The following COL4A3 variants were observed in gnomAD, a reference collection of about 807,000 sequenced individuals.
COL4A3 encodes the protein collagen alpha-3(IV) chain.
In COL4A3, 135 loss-of-function variants were observed where a neutral mutation model predicts 217.4. The ratio of observed to expected loss-of-function variants is 0.62; its 90% CI spans 0.54 to 0.72. The LOEUF (loss-of-function observed/expected upper bound fraction) is 0.72, where lower values mean the gene tolerates loss of function less well. Ranked by LOEUF, COL4A3 falls within the 30% of genes least tolerant of loss-of-function variation. The pLI is 0.00. For synonymous variants in COL4A3, 690 were observed against 736.3 expected, an observed-to-expected ratio of 0.94 and a Z score of 1.02; for missense variants, 1,868 against 2,119.9, an observed-to-expected ratio of 0.88 and a Z score of 2.33.
At chr2:227,190,874 T>C (rs1430102956) in intron 1 of COL4A3, among the ~76,000 whole-genome samples, 2 of 152,202 alleles carry the variant, frequency 1.3e-5, no homozygotes. Context: ...GCCACTGCAC[T>C]CCAGACTGGG....
intron 1 of COL4A3, among the ~76,000 whole-genome samples, chr2:227,208,829 C>T (rs879379880): frequency 6.7e-6 from 1 of 150,020 alleles, no homozygotes; most frequent in Non-Finnish European, 1.5e-5. Context: ...GAGGTAAGTA[C>T]AAAGTTCTAG....
In COL4A3 at chr2:227,248,641, T is replaced by A. The variant is rs1039482006; in HGVS notation, c.546+121T>A. 4.4e-6 allele frequency: 3 copies of A among 680,006 alleles called. No homozygotes were observed. In the African/African-American group the frequency reaches 5.5e-5, roughly 12 times the overall value. The allele number at this position is 680,006 out of a possible 1,614,324, so 42.1% of individuals were successfully genotyped here. A position where few individuals can be genotyped will look rare whatever the true frequency, so the allele number is the denominator to read the frequency against. On this transcript the variant is annotated intron_variant, in intron 9 of 51. Coordinates refer to ENST00000396578, the MANE Select transcript of COL4A3 (RefSeq NM_000091.5). ...AGTCCCTCTCACTCTCTTAAGAAGA[T>A]TTTAAATAGAAATTCCTATTTATTC... is the stretch of plus-strand genomic sequence containing the variant.
chr2:227,194,904 C>T (rs567019412), intron 1 of COL4A3, among the ~76,000 whole-genome samples: 2 of 152,154 alleles, frequency 1.3e-5, no homozygotes, highest in South Asian at 4.1e-4. Context: ...AAATAATTTG[C>T]ACCTGCCATG....
intron 1 of COL4A3, among the ~76,000 whole-genome samples, chr2:227,172,506 T>C (rs1198979533): frequency 6.6e-6 from 1 of 150,572 alleles, no homozygotes; most frequent in Non-Finnish European, 1.5e-5. Context: ...CTTCTCCTTC[T>C]CCTTCTTCTT....
chr2:227,232,484 CACAA>C lies in COL4A3; in HGVS notation c.88-5480_88-5477del, dbSNP rs574338779. Among the ~76,000 whole-genome samples, 165 of 152,248 alleles carry C rather than the reference CACAA, an allele frequency of 1.1e-3. 2 individuals carry two copies. The highest frequency in any genetic ancestry group is 3.5e-3 in the African/African-American group (145 of 41,552). The stretch of plus-strand genomic sequence containing the variant: ...TGGTGGTTGTACTAATTTACATTCC[CACAA>C]ACAGTGTACAAGGGTCCCCTTTTCT... On this transcript the variant is annotated intron_variant, in intron 1 of 51. Transcript: ENST00000396578.
chr2:227,300,269 C>T (rs969631072), intron 43 of COL4A3, among the ~76,000 whole-genome samples: 5 of 152,160 alleles, frequency 3.3e-5, no homozygotes, highest in African/African-American at 1.2e-4. Flanking sequence ...TTGGGCTGAC[C>T]TACCTGTCTC....
rs1332991175 is a variant in COL4A3, at chr2:227,222,169, A to AATAATG, written c.88-15797_88-15796insAATGAT. On this transcript the variant is annotated intron_variant, in intron 1 of 51. Transcript: ENST00000396578. ...TAATAATAATAATAATAATAATGAT[A>AATAATG]ATGATAATAAAAAGCTCCTTAAGCA... Among the ~76,000 whole-genome samples, 150 of 71,072 alleles carry AATAATG rather than the reference A, an allele frequency of 2.1e-3. 1 individual carries two copies. Among genetic ancestry groups the AATAATG allele is most frequent in the African/African-American group, 6.6e-3 (140 of 21,228 alleles). 46.6% of individuals were successfully genotyped at this position (71,072 alleles called of 152,430 possible).
rs148393022 is a variant in COL4A3 at position 227,237,964 on chromosome 2, C to T, written c.88-4C>T. ...CAAAACCCTTTCTCTTTCCCTCTTC[C>T]TAGGGTTGTGTCTGTAAAGACAAAG... is the stretch of plus-strand genomic sequence containing the variant. On this transcript the variant is annotated splice_polypyrimidine_tract_variant and splice_region_variant and intron_variant, in intron 1 of 51. Coordinates refer to ENST00000396578, the MANE Select transcript of COL4A3 (RefSeq NM_000091.5). 7,086 of 1,608,052 alleles carry T rather than the reference C, an allele frequency of 4.4e-3. 328 individuals are homozygous for T. The Admixed American group carries it at 0.09, about 20-fold the overall frequency.
Position 227,292,427 on chromosome 2 carries a change from T to C in COL4A3, c.3211-764T>C, listed in dbSNP as rs930306589. Among the ~76,000 whole-genome samples the C allele has an allele frequency of 6.6e-5, 10 of 152,154 alleles. No individual in the cohort carries two copies. The East Asian group carries it at 1.5e-3, about 23-fold the overall frequency. On this transcript the variant is annotated intron_variant, in intron 37 of 51. Coordinates refer to ENST00000396578, the MANE Select transcript of COL4A3 (RefSeq NM_000091.5). ...CACACTCAATTAACTGATAGTTTCATTTAGATTTAAAGTTTTCACAGGTAA... is the reference window on the plus strand; with the variant it reads ...CACACTCAATTAACTGATAGTTTCACTTAGATTTAAAGTTTTCACAGGTAA...
rs1383328903 is a variant in COL4A3 at position 227,280,517 on chromosome 2, T to C, written c.2301T>C (p.His767=). 2 of 1,614,128 alleles carry C rather than the reference T, an allele frequency of 1.2e-6. No individual in the cohort carries two copies. Among genetic ancestry groups the C allele is most frequent in the African/African-American group, 1.3e-5 (1 of 75,032 alleles). ...FPGERGNSGE[H]GEIGLPGLPG... Reference sequence around the variant, plus strand: ...GAGAAAGAGGCAATTCTGGGGAACATGGAGAAATTGGACTCCCTGGACTTC... The same window carrying C: ...GAGAAAGAGGCAATTCTGGGGAACACGGAGAAATTGGACTCCCTGGACTTC... The change falls in exon 30 of 52, where the codon CAT becomes CAC. Residue 767 remains histidine, a synonymous_variant. Transcript: ENST00000396578.
Position 227,283,905 on chromosome 2 carries a change from C to A in COL4A3, c.2746+49C>A. 8 of 1,481,036 alleles carry A rather than the reference C, an allele frequency of 5.4e-6. No homozygotes were observed. In the South Asian group the frequency reaches 5.7e-5, roughly 10 times the overall value. 91.7% of individuals were successfully genotyped at this position (1,481,036 alleles called of 1,614,324 possible). ...AATAGCAGGAAGCATAAACAATGTTCATTTATTTTGCAGCAAAAAAAGTTA... is the reference window on the plus strand; with the variant it reads ...AATAGCAGGAAGCATAAACAATGTTAATTTATTTTGCAGCAAAAAAAGTTA... On this transcript the variant is annotated intron_variant, in intron 33 of 51. Transcript: ENST00000396578.
intron 46 of COL4A3, among the ~76,000 whole-genome samples, chr2:227,304,599 T>A (rs1330505613): frequency 6.6e-6 from 1 of 152,208 alleles, no homozygotes; most frequent in Non-Finnish European, 1.5e-5. Flanking sequence ...CCTCTACATA[T>A]GCACAGCATA....
chr2:227,184,389 G>A (rs1243648631), intron 1 of COL4A3, among the ~76,000 whole-genome samples: 5 of 152,186 alleles, frequency 3.3e-5, no homozygotes, highest in African/African-American at 1.2e-4. Context: ...AATTAAGATT[G>A]ACTCAATCAG....
chr2:227,247,501 G>A, intron 7 of COL4A3, 57 bp from the exon 8 acceptor site: 1 of 1,554,298 alleles, frequency 6.4e-7, no homozygotes, highest in African/African-American at 1.4e-5. Context: ...AGCAGACCGA[G>A]TAGGAGTGTG....
At position 227,229,133 on chromosome 2, in the gene COL4A3, C is replaced by T. The variant is rs550679748; in HGVS notation, c.88-8835C>T. Among the ~76,000 whole-genome samples, 136 of 152,244 alleles carry T rather than the reference C, an allele frequency of 8.9e-4. 1 individual carries two copies. Among genetic ancestry groups the T allele is most frequent in the Non-Finnish European group, 1.8e-4 (12 of 68,016 alleles). On this transcript the variant is annotated intron_variant, in intron 1 of 51. Coordinates refer to ENST00000396578, the MANE Select transcript of COL4A3 (RefSeq NM_000091.5). ...TACCACTTTGCCTCATAAGAGAAAGCGATGTGCAGGTGAGACATGGGTGGC... is the reference window on the plus strand; with the variant it reads ...TACCACTTTGCCTCATAAGAGAAAGTGATGTGCAGGTGAGACATGGGTGGC...
chr2:227,192,703 C>T (rs192897429), intron 1 of COL4A3, among the ~76,000 whole-genome samples: 1 of 152,048 alleles, frequency 6.6e-6, no homozygotes, highest in East Asian at 1.9e-4. Flanking sequence ...TTAGGGGTGT[C>T]CTGGAGGGCA....
At chr2:227,266,338 A>T in intron 21 of COL4A3, 79 bp from the exon 22 acceptor site, 1 of 1,074,018 alleles carries the variant, frequency 9.3e-7, no homozygotes, top group Non-Finnish European at 1.4e-6. Flanking sequence ...GATGCATTTT[A>T]AATAATACAT....
In COL4A3 at chr2:227,198,189, T is replaced by C. The variant is rs553305819; in HGVS notation, c.87+33376T>C. Among the ~76,000 whole-genome samples, 5 of 152,348 alleles carry C rather than the reference T, an allele frequency of 3.3e-5. No individual in the cohort carries two copies. The East Asian group carries it at 9.6e-4, about 29-fold the overall frequency. On this transcript the variant is annotated intron_variant, in intron 1 of 51. Coordinates refer to ENST00000396578, the MANE Select transcript of COL4A3 (RefSeq NM_000091.5). ...TCAGCTATCTATGTGGGTCATCTTCTGTAAGTGATAGTGGAGGCAGCTAAC... is the reference window on the plus strand; with the variant it reads ...TCAGCTATCTATGTGGGTCATCTTCCGTAAGTGATAGTGGAGGCAGCTAAC...
At chr2:227,242,187 G>T (rs958569711) in intron 3 of COL4A3, among the ~76,000 whole-genome samples, 7 of 152,114 alleles carry the variant, frequency 4.6e-5, no homozygotes, top group African/African-American at 1.7e-4. Context: ...GTCCAACTTG[G>T]CTACAAATAA....
Sources: gnomAD v4.1 joint callset for allele counts (sites outside exome capture counted in the v4.1 genomes callset) on GRCh38, gnomAD v4.1.1 for gene constraint, MANE v1.5 for transcripts, NCBI Gene and HGNC (gene_info 2026-07-23, HGNC 2026-07-21) for gene names.